Variants in AGFG1 observed in about 807,000 individuals in gnomAD.
The protein encoded by AGFG1 is ArfGAP with FG repeats 1.
A neutral mutation model predicts 60.6 loss-of-function variants in AGFG1; 10 were observed. That is an observed-to-expected ratio of 0.16 (90% CI 0.10 to 0.28). The LOEUF (loss-of-function observed/expected upper bound fraction) is 0.28, where lower values mean the gene tolerates loss of function less well. Among genes scored for constraint, AGFG1 ranks in the 10% least tolerant of loss-of-function variants. The pLI is 1.00. For missense variants in AGFG1, 537 were observed against 676.5 expected, an observed-to-expected ratio of 0.79 and a Z score of 2.29; for synonymous variants, 247 against 242.9, an observed-to-expected ratio of 1.02 and a Z score of -0.16.
chr2:227,485,881 G>A (rs1451687274), intron 1 of AGFG1, among the ~76,000 whole-genome samples: 8 of 152,086 alleles, frequency 5.3e-5, no homozygotes, highest in African/African-American at 1.7e-4. Flanking sequence ...AGCTAGTCTT[G>A]GAGGGAGGTG....
At chr2:227,497,730 G>GTTTTTTCTTTTTTTTTTTTTT (rs148621752) in intron 2 of AGFG1, among the ~76,000 whole-genome samples, 1 of 38,940 alleles carries the variant, frequency 2.6e-5, no homozygotes, top group Non-Finnish European at 5.4e-5. Flanking sequence ...TTTCTTTCTT[G>GTTTTTTCTTTTTTTTTTTTTT]TTTTGTTTTT....
chr2:227,529,690 T>G (rs1405431698), intron 5 of AGFG1, among the ~76,000 whole-genome samples: 1 of 152,158 alleles, frequency 6.6e-6, no homozygotes, highest in East Asian at 1.9e-4. Context: ...TCCCAAAACC[T>G]GTGCACTGTA....
At chr2:227,548,754 G>A (rs1382925997) in intron 10 of AGFG1, among the ~76,000 whole-genome samples, 1 of 152,078 alleles carries the variant, frequency 6.6e-6, no homozygotes, top group South Asian at 2.1e-4. Flanking sequence ...TGGCTAACAC[G>A]GTGAAACCCC....
chr2:227,475,889 G>A (rs192909910), intron 1 of AGFG1, among the ~76,000 whole-genome samples: 48 of 152,266 alleles, frequency 3.2e-4, no homozygotes, highest in African/African-American at 1.1e-3. Flanking sequence ...GCTAGCTGCC[G>A]TTCCTTGATT....
intron 1 of AGFG1, among the ~76,000 whole-genome samples, chr2:227,472,949 C>T (rs1339466546): frequency 6.9e-6 from 1 of 145,446 alleles, no homozygotes; most frequent in East Asian, 2.1e-4. Flanking sequence ...ACCCGGGGCG[C>T]CGGGCTGTGG....
At chr2:227,533,434 A>T in intron 6 of AGFG1, 115 bp from the exon 7 acceptor site, 1 of 912,788 alleles carries the variant, frequency 1.1e-6, no homozygotes, top group Non-Finnish European at 1.6e-6. Context: ...CATTGATTTT[A>T]ATGTTGTAAG....
At chr2:227,553,830 T>G in intron 12 of AGFG1, 35 bp downstream of exon 12, 1 of 1,468,808 alleles carries the variant, frequency 6.8e-7, no homozygotes, top group South Asian at 1.2e-5. Flanking sequence ...CTTTATAAGT[T>G]GTTAAATCTT....
Position 227,557,988 on chromosome 2 carries a change from TG to T in AGFG1, c.*3494del, listed in dbSNP as rs1388251939. On this transcript the variant is annotated 3_prime_UTR_variant, in exon 13 of 13. Coordinates refer to ENST00000310078, the MANE Select transcript of AGFG1 (RefSeq NM_004504.5). ...GTGTATTTCTAGAACAGTATTTACT[TG>T]CAGGGCAAACATAACTATTCCCTGG... The T allele has an allele frequency of 6.6e-6, 1 of 152,248 alleles. No homozygotes were observed. The highest frequency in any genetic ancestry group is 1.5e-5 in the Non-Finnish European group (1 of 68,048). 9.4% of individuals were successfully genotyped at this position (152,248 alleles called of 1,614,324 possible). A position where few individuals can be genotyped will look rare whatever the true frequency, so the allele number is the denominator to read the frequency against.
chr2:227,475,820 A>G (rs543345062), intron 1 of AGFG1, among the ~76,000 whole-genome samples: 7 of 152,344 alleles, frequency 4.6e-5, no homozygotes, highest in Non-Finnish European at 8.8e-5. Flanking sequence ...CTTATTGAGC[A>G]CATACCGTAT....
intron 2 of AGFG1, among the ~76,000 whole-genome samples, chr2:227,510,390 A>C (rs984860140): frequency 6.6e-6 from 1 of 152,162 alleles, no homozygotes; most frequent in Non-Finnish European, 1.5e-5. Flanking sequence ...TATTCAAAAC[A>C]ACGAGTCATC....
At chr2:227,479,586 G>A (rs576329580) in intron 1 of AGFG1, among the ~76,000 whole-genome samples, 1 of 152,086 alleles carries the variant, frequency 6.6e-6, no homozygotes, top group Non-Finnish European at 1.5e-5. Flanking sequence ...TCTGTGCAGC[G>A]TGCATGATGT....
chr2:227,553,662 C>G (rs904161527), intron 11 of AGFG1, 42 bp from the exon 12 acceptor site: 1 of 1,489,298 alleles, frequency 6.7e-7, no homozygotes, highest in African/African-American at 1.4e-5. Flanking sequence ...CAGATTGTCT[C>G]TTGAAGGTAT....
At chr2:227,540,763 A>G (rs781053292) in intron 10 of AGFG1, among the ~76,000 whole-genome samples, 25 of 152,214 alleles carry the variant, frequency 1.6e-4, no homozygotes, top group African/African-American at 4.8e-4. Flanking sequence ...TCCCTGGGGA[A>G]TCGCCACACT....
chr2:227,523,920 A>G lies in AGFG1; in HGVS notation c.535A>G (p.Ser179Gly). 1 of 1,612,724 alleles carries G rather than the reference A, an allele frequency of 6.2e-7. No homozygotes were observed. Among genetic ancestry groups the G allele is most frequent in the Non-Finnish European group, 8.5e-7 (1 of 1,179,150 alleles). The change falls in exon 4 of 13, where the codon AGT becomes GGT. Residue 179 changes from serine (S) to glycine (G), a missense_variant. By Grantham distance (56) the Ser-to-Gly change is moderately conservative (BLOSUM62 0). Coordinates refer to ENST00000310078, the MANE Select transcript of AGFG1 (RefSeq NM_004504.5). Reference protein sequence around the residue: ...PTLHLNKGTPSQSPVVGRSQG... With the variant: ...PTLHLNKGTPGQSPVVGRSQG... ...ACTGCACTTAAATAAGGGCACACCT[A>G]GTCAGGTGAGTAGTCTTTGAATCTT...
At chr2:227,510,155 G>A (rs1325823731) in intron 2 of AGFG1, among the ~76,000 whole-genome samples, 1 of 152,028 alleles carries the variant, frequency 6.6e-6, no homozygotes, top group African/African-American at 2.4e-5. Flanking sequence ...TGTGTTGAGG[G>A]GGGTAGGGAG....
chr2:227,499,190 A>G (rs1395456440), intron 2 of AGFG1, among the ~76,000 whole-genome samples: 1 of 152,174 alleles, frequency 6.6e-6, no homozygotes, highest in African/African-American at 2.4e-5. Flanking sequence ...ATTAACAGTA[A>G]TCTAGTCATC....
intron 3 of AGFG1, among the ~76,000 whole-genome samples, chr2:227,523,473 C>T (rs901521057): frequency 1.3e-5 from 2 of 152,016 alleles, no homozygotes; most frequent in African/African-American, 4.8e-5. Context: ...TTAAAAAAAG[C>T]AGTTATTTCT....
intron 1 of AGFG1, among the ~76,000 whole-genome samples, chr2:227,479,261 T>G (rs1396328328): frequency 6.6e-6 from 1 of 152,234 alleles, no homozygotes; most frequent in Admixed American, 6.5e-5. Flanking sequence ...TGACCATAAC[T>G]GAGTATAAAG....
intron 2 of AGFG1, among the ~76,000 whole-genome samples, chr2:227,492,174 T>C (rs1185701463): frequency 6.6e-6 from 1 of 152,160 alleles, no homozygotes; most frequent in African/African-American, 2.4e-5. Flanking sequence ...GGAAGCTTTT[T>C]TTCTTCTTGC....
Sources: allele counts gnomAD v4.1 joint callset (sites outside exome capture counted in the v4.1 genomes callset), GRCh38; gene constraint gnomAD v4.1.1; transcripts MANE v1.5; gene names NCBI Gene and HGNC (gene_info 2026-07-23, HGNC 2026-07-21).